The following ARFGAP3 variants were observed in gnomAD, a reference collection of about 807,000 sequenced individuals.
ARFGAP3 encodes the protein ARF GTPase activating protein 3.
Under a neutral mutation model 75.0 loss-of-function variants are expected in ARFGAP3, and 72 were observed. That is an observed-to-expected ratio of 0.96 (90% CI 0.79 to 1.17). The LOEUF (loss-of-function observed/expected upper bound fraction) is 1.17, where lower values mean the gene tolerates loss of function less well. Ranked by LOEUF, ARFGAP3 falls within the 50% of genes most tolerant of loss-of-function variation. The probability of loss-of-function intolerance (pLI) is 0.00; values close to 1 mark genes in which losing one functional copy is unlikely to be tolerated. For missense variants in ARFGAP3, 620 were observed against 626.6 expected (o/e 0.99, Z 0.11); for synonymous variants, 221 against 217.9 (o/e 1.01, Z -0.13).
intron 3 of ARFGAP3, among the ~76,000 whole-genome samples, chr22:42,838,832 C>T (rs927429577): frequency 5.9e-5 from 9 of 151,876 alleles, no homozygotes; most frequent in Admixed American, 5.2e-4. Context: ...TTAATTAGGC[C>T]GGGCGCGGTG....
intron 1 of ARFGAP3, chr22:42,847,847 T>A (rs1259702548): frequency 3.9e-5 from 7 of 178,508 alleles, no homozygotes; most frequent in Non-Finnish European, 6.4e-5. Context: ...TATAAATTAG[T>A]ATAGTTAATT....
chr22:42,837,675 C>CTTTTTTTTTTTTTTTTTTTTGTT (rs1926587073), intron 3 of ARFGAP3, among the ~76,000 whole-genome samples: 1 of 75,662 alleles, frequency 1.3e-5, no homozygotes, highest in African/African-American at 6.2e-5. Context: ...AGGCATACTT[C>CTTTTTTTTTTTTTTTTTTTTGTT]TTTTTTTTTT....
chr22:42,810,350 G>A (rs1341851329), intron 12 of ARFGAP3, among the ~76,000 whole-genome samples: 1 of 152,028 alleles, frequency 6.6e-6, no homozygotes, highest in Non-Finnish European at 1.5e-5. Context: ...GGTAGTCTCA[G>A]CTACTCGGGA....
chr22:42,812,599 C>T (rs1166678750), intron 11 of ARFGAP3, among the ~76,000 whole-genome samples: 2 of 152,062 alleles, frequency 1.3e-5, no homozygotes, highest in Non-Finnish European at 2.9e-5. Flanking sequence ...CCAGGGACCT[C>T]GGTGAGCTAA....
chr22:42,823,011 T>A (rs934310599), intron 8 of ARFGAP3, among the ~76,000 whole-genome samples: 3 of 152,046 alleles, frequency 2.0e-5, no homozygotes, highest in African/African-American at 7.2e-5. Context: ...GATTTCACCA[T>A]TTTGCCCAGG....
At chr22:42,841,079 C>T in intron 2 of ARFGAP3, 63 bp from the exon 3 acceptor site, 6 of 1,567,114 alleles carry the variant, frequency 3.8e-6, no homozygotes, top group Non-Finnish European at 5.2e-6. Flanking sequence ...AATCAGTGAG[C>T]TTTTGAGAAC....
At chr22:42,831,732 C>G in intron 5 of ARFGAP3, 96 bp from the exon 6 acceptor site, 1 of 1,566,740 alleles carries the variant, frequency 6.4e-7, no homozygotes, top group South Asian at 1.2e-5. Flanking sequence ...ATTTAAACAG[C>G]CACATTCTGA....
At chr22:42,847,786 T>C (rs1927085176) in intron 1 of ARFGAP3, 154 bp from the exon 2 acceptor site, 1 of 501,826 alleles carries the variant, frequency 2.0e-6, no homozygotes, top group Non-Finnish European at 2.6e-6. Flanking sequence ...TAGGTTTTTT[T>C]AAAAGCCTCA....
At chr22:42,849,468 AT>A (rs940852150) in intron 1 of ARFGAP3, among the ~76,000 whole-genome samples, 2 of 147,430 alleles carry the variant, frequency 1.4e-5, no homozygotes, top group African/African-American at 5.2e-5. Flanking sequence ...GCTAATCTTT[AT>A]GGCTTTTTTT....
At chr22:42,817,656 C>G in intron 10 of ARFGAP3, 73 bp downstream of exon 10, 1 of 1,242,428 alleles carries the variant, frequency 8.0e-7, no homozygotes, top group Non-Finnish European at 1.1e-6. Flanking sequence ...GAAACTAACA[C>G]AGTCCAAGAA....
chr22:42,801,646 A>G (rs1330791500), intron 14 of ARFGAP3, among the ~76,000 whole-genome samples: 1 of 151,586 alleles, frequency 6.6e-6, no homozygotes, highest in East Asian at 1.9e-4. Flanking sequence ...GTTCCAGCCT[A>G]TGTTGGCCGG....
In ARFGAP3 at chr22:42,848,461, G is replaced by T. The variant is rs1283831054; in HGVS notation, c.70-829C>A. Among the ~76,000 whole-genome samples the T allele has an allele frequency of 3.3e-5, 5 of 152,318 alleles. No individual in the cohort carries two copies. The East Asian group carries it at 9.6e-4, about 29-fold the overall frequency. The stretch of plus-strand genomic sequence containing the variant: ...CTGACCTCGTGATCCACCCGCCTTG[G>T]ACTCCCAAAGTGCTGGGATTACAGG... On this transcript the variant is annotated intron_variant, in intron 1 of 15. Transcript: ENST00000263245.
At chr22:42,811,229 T>C (rs1925355199) in intron 11 of ARFGAP3, among the ~76,000 whole-genome samples, 1 of 152,178 alleles carries the variant, frequency 6.6e-6, no homozygotes, top group Non-Finnish European at 1.5e-5. Context: ...GTCTGGACAA[T>C]CAAGATGACA....
intron 5 of ARFGAP3, among the ~76,000 whole-genome samples, chr22:42,833,159 T>C (rs1926371251): frequency 6.6e-6 from 1 of 152,226 alleles, no homozygotes; most frequent in Non-Finnish European, 1.5e-5. Flanking sequence ...TAGTGATATT[T>C]AGAGCACTTA....
At chr22:42,821,272 G>C (rs9607956) in intron 9 of ARFGAP3, among the ~76,000 whole-genome samples, 4,453 of 152,278 alleles carry the variant, frequency 0.029, 85 homozygotes, top group African/African-American at 0.041. Flanking sequence ...CTGTTAAAGT[G>C]CATGATTCAG....
chr22:42,845,970 G>A (rs920081516), intron 2 of ARFGAP3, among the ~76,000 whole-genome samples: 5 of 149,178 alleles, frequency 3.4e-5, no homozygotes, highest in African/African-American at 1.2e-4. Context: ...CCCAGGAGGT[G>A]GAGGTTGCAG....
chr22:42,850,646 C>T (rs1431180923), intron 1 of ARFGAP3, among the ~76,000 whole-genome samples: 8 of 145,852 alleles, frequency 5.5e-5, no homozygotes, highest in Admixed American at 4.8e-4. Context: ...TCCAACCTAT[C>T]ATTATCAAGC....
intron 1 of ARFGAP3, 80 bp from the exon 2 acceptor site, chr22:42,847,712 C>T (rs1927081782): frequency 4.8e-5 from 73 of 1,513,742 alleles, no homozygotes; most frequent in Non-Finnish European, 6.4e-5. Flanking sequence ...AATGACTTAG[C>T]TTGAAAACTG....
intron 1 of ARFGAP3, among the ~76,000 whole-genome samples, chr22:42,854,770 G>A (rs2146595002): frequency 6.6e-6 from 1 of 152,230 alleles, no homozygotes; most frequent in South Asian, 2.1e-4. Context: ...TACCTTTCCT[G>A]GCTCATGTAT....
Sources: allele counts gnomAD v4.1 joint callset (sites outside exome capture counted in the v4.1 genomes callset), GRCh38; gene constraint gnomAD v4.1.1; transcripts MANE v1.5; gene names NCBI Gene and HGNC (gene_info 2026-07-23, HGNC 2026-07-21).